Variants in CXCL2 observed in about 807,000 individuals in gnomAD.
CXCL2 encodes C-X-C motif chemokine ligand 2.
CXCL2 carries 12 observed loss-of-function variants against 11.2 expected under a neutral mutation model. The ratio of observed to expected loss-of-function variants is 1.08; its 90% confidence interval spans 0.69 to 1.74. The LOEUF is 1.74. CXCL2 is among the 40% of genes most tolerant of loss of function. CXCL2 has a pLI of 0.00. For synonymous variants in CXCL2, 68 were observed against 61.9 expected (o/e 1.10, Z -0.47); for missense variants, 120 against 137.8 (o/e 0.87, Z 0.65).
At chr4:74,098,448 G>A (rs1164095139) in intron 3 of CXCL2, 153 bp downstream of exon 3, 13 of 813,496 alleles carry the variant, frequency 1.6e-5, no homozygotes, top group Admixed American at 2.7e-5. Flanking sequence ...CACCAGAACA[G>A]ATTAATAACC....
rs1464111131 is a variant in CXCL2 at position 74,097,833 on chromosome 4, TCTC to T, written c.309-65_309-63del. The T allele has an allele frequency of 8.1e-6, 12 of 1,488,460 alleles. No homozygotes were observed. In the East Asian group the frequency reaches 1.2e-4, roughly 15 times the overall value. The allele number at this position is 1,488,460 out of a possible 1,614,324, so 92.2% of individuals were successfully genotyped here. On this transcript the variant is annotated intron_variant, in intron 3 of 3. Transcript: ENST00000508487. ...AGGAAAGCTGACTGCACAACAGTCT[TCTC>T]CTGTCCTGTTTCCCCAGGCTCTAGA...
Position 74,097,786 on chromosome 4 carries a change from T to C in CXCL2, c.309-15A>G. ...TGGATTTGCCACTGTAATGAGAAAATGGGTGCCCTGAGTAGGTGCTCAGGA... is the reference window on the plus strand; with the variant it reads ...TGGATTTGCCACTGTAATGAGAAAACGGGTGCCCTGAGTAGGTGCTCAGGA... On this transcript the variant is annotated splice_polypyrimidine_tract_variant and intron_variant, in intron 3 of 3. Transcript: ENST00000508487. 1 of 1,594,512 alleles carries C rather than the reference T, an allele frequency of 6.3e-7. No homozygotes were observed. The highest frequency in any genetic ancestry group is 8.6e-7 in the Non-Finnish European group (1 of 1,168,656).
Position 74,097,674 on chromosome 4 carries a change from T to C in CXCL2, c.*82A>G, listed in dbSNP as rs367812027. ...GCAATCCAGGTGGCCTCTGCAGCTG[T>C]GTCTCTCTTTCCTCTTCTGTTCCTG... On this transcript the variant is annotated 3_prime_UTR_variant, in exon 4 of 4. Coordinates refer to ENST00000508487, the MANE Select transcript of CXCL2 (RefSeq NM_002089.4). 4.2e-6 allele frequency: 6 copies of C among 1,429,516 alleles called. No homozygotes were observed. The African/African-American group carries it at 7.1e-5, about 17-fold the overall frequency. 88.6% of individuals were successfully genotyped at this position (1,429,516 alleles called of 1,614,324 possible). A position where few individuals can be genotyped will look rare whatever the true frequency, so the allele number is the denominator to read the frequency against.
intron 2 of CXCL2, 50 bp downstream of exon 2, chr4:74,098,749 G>A (rs568060950): frequency 1.2e-6 from 2 of 1,613,376 alleles, no homozygotes; most frequent in Admixed American, 3.3e-5. Flanking sequence ...GGGGCAGCGG[G>A]AGAGTCGGGG....
chr4:74,097,181 A>C lies in CXCL2; in HGVS notation c.*575T>G, dbSNP rs954626067. The stretch of plus-strand genomic sequence containing the variant: ...CTTACAAGAAAGACATAAAATGTCC[A>C]AGGGATATTTAGAACATTTTAGTTC... On this transcript the variant is annotated 3_prime_UTR_variant, in exon 4 of 4. Coordinates refer to ENST00000508487, the MANE Select transcript of CXCL2 (RefSeq NM_002089.4). 2.0e-5 allele frequency: 3 copies of C among 152,264 alleles called. No homozygotes were observed. Among genetic ancestry groups the C allele is most frequent in the African/African-American group, 7.2e-5 (3 of 41,470 alleles). The allele number at this position is 152,264 out of a possible 1,614,324, so 9.4% of individuals were successfully genotyped here. A position where few individuals can be genotyped will look rare whatever the true frequency, so the allele number is the denominator to read the frequency against.
chr4:74,099,158 G>A lies in CXCL2; in HGVS notation c.-38C>T, dbSNP rs564762931. ...GCGGTTCGAGCGGCTGTGCGAGGAG[G>A]AGAGCTGGCAAGGAGCTGCCTGTGG... On this transcript the variant is annotated 5_prime_UTR_variant, in exon 1 of 4. Transcript: ENST00000508487. 3 of 1,457,802 alleles carry A rather than the reference G, an allele frequency of 2.1e-6. No individual in the cohort carries two copies. The highest frequency in any genetic ancestry group is 1.5e-5 in the African/African-American group (1 of 68,006). 90.3% of individuals were successfully genotyped at this position (1,457,802 alleles called of 1,614,324 possible). A position where few individuals can be genotyped will look rare whatever the true frequency, so the allele number is the denominator to read the frequency against.
At position 74,097,679 on chromosome 4, in the gene CXCL2, CTCTT is replaced by C. The variant is rs1454497806; in HGVS notation, c.*73_*76del. The C allele has an allele frequency of 2.0e-6, 3 of 1,465,600 alleles. No individual in the cohort carries two copies. The highest frequency in any genetic ancestry group is 2.7e-6 in the Non-Finnish European group (3 of 1,099,682). 90.8% of individuals were successfully genotyped at this position (1,465,600 alleles called of 1,614,324 possible). On this transcript the variant is annotated 3_prime_UTR_variant, in exon 4 of 4. Transcript: ENST00000508487. ...CCAGGTGGCCTCTGCAGCTGTGTCT[CTCTT>C]TCCTCTTCTGTTCCTGTAAGGGCAG...
chr4:74,098,597 T>C lies in CXCL2; in HGVS notation c.308+4A>G. On this transcript the variant is annotated splice_donor_region_variant and intron_variant, in intron 3 of 3. Transcript: ENST00000508487. ...CGCCTGTGTACATGGAAATTATAAC[T>C]TACTTTTTCAGCATCTTTTCGATGA... is the stretch of plus-strand genomic sequence containing the variant. The C allele has an allele frequency of 1.2e-6, 2 of 1,613,946 alleles. No individual in the cohort carries two copies. The highest frequency in any genetic ancestry group is 1.7e-6 in the Non-Finnish European group (2 of 1,179,826).
rs891656241 is a variant in CXCL2 at position 74,097,110 on chromosome 4, C to T, written c.*646G>A. The T allele has an allele frequency of 6.6e-6, 1 of 152,184 alleles. No individual in the cohort carries two copies. Among genetic ancestry groups the T allele is most frequent in the African/African-American group, 2.4e-5 (1 of 41,444 alleles). The allele number at this position is 152,184 out of a possible 1,614,324, so 9.4% of individuals were successfully genotyped here. On this transcript the variant is annotated 3_prime_UTR_variant, in exon 4 of 4. Transcript: ENST00000508487. ...AAATATCGAAACCTCTCTGCTCTAA[C>T]ACAGAGGGAAACACTGCATAATTAA...
In CXCL2 at chr4:74,099,143, C is replaced by A. The variant is rs1346274757; in HGVS notation, c.-23G>T. ...CATGGGGCTCAGCAGGCGGTTCGAGCGGCTGTGCGAGGAGGAGAGCTGGCA... is the reference window on the plus strand; with the variant it reads ...CATGGGGCTCAGCAGGCGGTTCGAGAGGCTGTGCGAGGAGGAGAGCTGGCA... On this transcript the variant is annotated 5_prime_UTR_variant, in exon 1 of 4. Transcript: ENST00000508487. The A allele has an allele frequency of 2.7e-6, 4 of 1,474,410 alleles. No homozygotes were observed. The highest frequency in any genetic ancestry group is 2.4e-5 in the Admixed American group (1 of 41,506). 91.3% of individuals were successfully genotyped at this position (1,474,410 alleles called of 1,614,324 possible).
chr4:74,097,915 C>G, intron 3 of CXCL2, 144 bp from the exon 4 acceptor site: 1 of 810,536 alleles, frequency 1.2e-6, no homozygotes, highest in South Asian at 3.2e-5. Context: ...CTGCCTGTGA[C>G]AGCTGTGCTG....
chr4:74,098,486 T>A (rs1401266825), intron 3 of CXCL2, 115 bp downstream of exon 3: 2 of 1,086,220 alleles, frequency 1.8e-6, no homozygotes, highest in African/African-American at 3.2e-5. Flanking sequence ...AAAATAATAA[T>A]TTTTTCAGTC....
chr4:74,097,868 T>A lies in CXCL2; in HGVS notation c.309-97A>T, dbSNP rs571712244. The A allele has an allele frequency of 2.7e-4, 349 of 1,303,484 alleles. 1 individual carries two copies. The African/African-American group carries it at 4.8e-3, about 18-fold the overall frequency. The allele number at this position is 1,303,484 out of a possible 1,614,324, so 80.7% of individuals were successfully genotyped here. A position where few individuals can be genotyped will look rare whatever the true frequency, so the allele number is the denominator to read the frequency against. Reference sequence around the variant, plus strand: ...TGTTTCCCCAGGCTCTAGAGTTTTCTGAATGCAGTTTCCCCAGCCTGGCAC... The same window carrying A: ...TGTTTCCCCAGGCTCTAGAGTTTTCAGAATGCAGTTTCCCCAGCCTGGCAC... On this transcript the variant is annotated intron_variant, in intron 3 of 3. Transcript: ENST00000508487.
Position 74,098,585 on chromosome 4 carries a change from G to A in CXCL2, c.308+16C>T. The A allele has an allele frequency of 6.2e-7, 1 of 1,613,152 alleles. No individual in the cohort carries two copies. Among genetic ancestry groups the A allele is most frequent in the Non-Finnish European group, 8.5e-7 (1 of 1,179,134 alleles). ...AACAGCTCCAGTCGCCTGTGTACAT[G>A]GAAATTATAACTTACTTTTTCAGCA... On this transcript the variant is annotated intron_variant, in intron 3 of 3. Coordinates refer to ENST00000508487, the MANE Select transcript of CXCL2 (RefSeq NM_002089.4).
At chr4:74,098,465 G>T in intron 3 of CXCL2, 136 bp downstream of exon 3, 1 of 925,696 alleles carries the variant, frequency 1.1e-6, no homozygotes, top group Non-Finnish European at 1.6e-6. Flanking sequence ...AACCTTAATG[G>T]CAACTTTGTG....
At position 74,099,008 on chromosome 4, in the gene CXCL2, C is replaced by A. The variant is rs542273464; in HGVS notation, c.100+13G>T. 115 of 1,538,378 alleles carry A rather than the reference C, an allele frequency of 7.5e-5. No individual in the cohort carries two copies. The highest frequency in any genetic ancestry group is 4.2e-4 in the Admixed American group (20 of 47,064). The stretch of plus-strand genomic sequence containing the variant: ...CGCGTCCGGCCCGGGGACCCCAGGG[C>A]GCCGGGACCCACCTGCTGCGCGCCG... On this transcript the variant is annotated intron_variant, in intron 1 of 3. Transcript: ENST00000508487.
chr4:74,097,622 C>G lies in CXCL2; in HGVS notation c.*134G>C. On this transcript the variant is annotated 3_prime_UTR_variant, in exon 4 of 4. Coordinates refer to ENST00000508487, the MANE Select transcript of CXCL2 (RefSeq NM_002089.4). ...ATAAATAAATAAATAGAAGACTTCT[C>G]CTAAGTGATGCTCAAACACATTAGG... 1 of 594,140 alleles carries G rather than the reference C, an allele frequency of 1.7e-6. No homozygotes were observed. Among genetic ancestry groups the G allele is most frequent in the East Asian group, 3.2e-5 (1 of 31,030 alleles). 36.8% of individuals were successfully genotyped at this position (594,140 alleles called of 1,614,324 possible).
intron 3 of CXCL2, 37 bp downstream of exon 3, chr4:74,098,564 G>T: frequency 6.2e-7 from 1 of 1,601,500 alleles, no homozygotes; most frequent in Non-Finnish European, 8.6e-7. Flanking sequence ...CTGACCAACA[G>T]CTCCAGTCGC....
intron 3 of CXCL2, chr4:74,098,391 A>G (rs1316327429): frequency 1.9e-6 from 1 of 527,108 alleles, no homozygotes; most frequent in Non-Finnish European, 3.3e-6. Context: ...CACTGGCAGG[A>G]GGGAAGAACC....
Sources: allele counts gnomAD v4.1 joint callset, GRCh38; gene constraint gnomAD v4.1.1; transcripts MANE v1.5; gene names NCBI Gene and HGNC (gene_info 2026-07-23, HGNC 2026-07-21).